Variants in AGBL4 observed in about 807,000 individuals in gnomAD.
AGBL4 encodes the protein AGBL carboxypeptidase 4.
In AGBL4, 58 loss-of-function variants were observed where a neutral mutation model predicts 66.4. The ratio of observed to expected loss-of-function variants is 0.87; its 90% CI spans 0.71 to 1.09. AGBL4 has a LOEUF of 1.09. AGBL4 is among the 50% of genes least tolerant of loss of function. The pLI is 0.00. For synonymous variants in AGBL4, 234 were observed against 222.9 expected (o/e 1.05, Z -0.44); for missense variants, 579 against 631.0 (o/e 0.92, Z 0.88).
chr1:48,696,786 A>C (rs890322987), intron 6 of AGBL4, among the ~76,000 whole-genome samples: 1 of 152,182 alleles, frequency 6.6e-6, no homozygotes, highest in African/African-American at 2.4e-5. Flanking sequence ...GCCTACAGAG[A>C]TAGCTTGGTC....
intron 2 of AGBL4, among the ~76,000 whole-genome samples, chr1:49,847,392 A>T (rs189665845): frequency 5.0e-4 from 76 of 152,292 alleles, no homozygotes; most frequent in Non-Finnish European, 6.3e-4. Context: ...TAAGCAACAC[A>T]AACAAAAATA....
intron 3 of AGBL4, among the ~76,000 whole-genome samples, chr1:49,260,711 C>A (rs1653057947): frequency 6.6e-6 from 1 of 152,048 alleles, no homozygotes; most frequent in Non-Finnish European, 1.5e-5. Context: ...GGATTCACAG[C>A]CGAATTCTAC....
At position 49,547,540 on chromosome 1, in the gene AGBL4, G is replaced by C. The variant is rs117391472; in HGVS notation, c.282+149773C>G. Reference sequence around the variant, plus strand: ...GAATTGCTTTTTCTAATTCTGTAAAGAATGATGGTGGTATTTGATGGGGAT... The same window carrying C: ...GAATTGCTTTTTCTAATTCTGTAAACAATGATGGTGGTATTTGATGGGGAT... On this transcript the variant is annotated intron_variant, in intron 3 of 13. Transcript: ENST00000371839. Among the ~76,000 whole-genome samples the C allele has an allele frequency of 1.6e-3, 238 of 152,238 alleles. 8 individuals carry two copies. The East Asian group carries it at 0.038, about 24-fold the overall frequency.
chr1:49,179,971 G>A (rs1043598296), intron 4 of AGBL4, among the ~76,000 whole-genome samples: 5 of 151,592 alleles, frequency 3.3e-5, no homozygotes, highest in African/African-American at 1.2e-4. Context: ...GCGCGATCTC[G>A]GCTCACTGCA....
intron 2 of AGBL4, among the ~76,000 whole-genome samples, chr1:49,835,074 G>A (rs139520746): frequency 8.1e-4 from 123 of 152,248 alleles, no homozygotes; most frequent in African/African-American, 2.6e-3. Context: ...GAGTTCTGTC[G>A]ATGTCTATTA....
intron 6 of AGBL4, among the ~76,000 whole-genome samples, chr1:48,793,757 A>G (rs1027480043): frequency 1.3e-5 from 2 of 152,154 alleles, no homozygotes; most frequent in East Asian, 1.9e-4. Flanking sequence ...ATATAATAAC[A>G]TTATTATCTC....
chr1:49,460,790 C>T lies in AGBL4; in HGVS notation c.283-214926G>A, dbSNP rs141385319. ...TTTTTAGCATTTCTTGTAGTGCTGTCTTGGGAGTGGTGAATACTCTCAGCA... is the reference window on the plus strand; with the variant it reads ...TTTTTAGCATTTCTTGTAGTGCTGTTTTGGGAGTGGTGAATACTCTCAGCA... On this transcript the variant is annotated intron_variant, in intron 3 of 13. Coordinates refer to ENST00000371839, the MANE Select transcript of AGBL4 (RefSeq NM_032785.4). Among the ~76,000 whole-genome samples the T allele has an allele frequency of 3.4e-4, 51 of 151,666 alleles. 2 individuals are homozygous for T. The East Asian group carries it at 9.6e-3, about 28-fold the overall frequency.
chr1:49,273,539 T>TA (rs1191230614), intron 3 of AGBL4, among the ~76,000 whole-genome samples: 10 of 150,542 alleles, frequency 6.6e-5, no homozygotes, highest in Non-Finnish European at 1.0e-4. Flanking sequence ...CAAAACTCAT[T>TA]AAAATTAAAT....
chr1:48,528,975 T>A (rs374241433), downstream of AGBL4, among the ~76,000 whole-genome samples: 14 of 152,080 alleles, frequency 9.2e-5, no homozygotes, highest in East Asian at 2.7e-3. Flanking sequence ...AACACTGTCT[T>A]CCCATTTGTT....
intron 1 of AGBL4, among the ~76,000 whole-genome samples, chr1:49,924,927 G>T (rs1652611095): frequency 1.3e-5 from 2 of 152,088 alleles, no homozygotes; most frequent in African/African-American, 4.8e-5. Context: ...GTACTCTGGG[G>T]TCCTAAATAA....
intron 6 of AGBL4, among the ~76,000 whole-genome samples, chr1:48,754,665 C>T (rs183323032): frequency 1.2e-3 from 176 of 152,258 alleles, no homozygotes; most frequent in African/African-American, 4.1e-3. Context: ...ATTACATATG[C>T]TTCCTTATTT....
At chr1:48,746,029 G>T (rs1373353167) in intron 6 of AGBL4, among the ~76,000 whole-genome samples, 2 of 152,102 alleles carry the variant, frequency 1.3e-5, no homozygotes, top group African/African-American at 4.8e-5. Context: ...GGTCTCACCT[G>T]GCACAGTGCT....
intron 3 of AGBL4, among the ~76,000 whole-genome samples, chr1:49,674,606 T>C (rs183305273): frequency 1.1e-4 from 16 of 146,768 alleles, no homozygotes; most frequent in African/African-American, 3.9e-4. Context: ...ACACATATGT[T>C]TAACCACACG....
At chr1:49,283,560 C>G (rs904800380) in intron 3 of AGBL4, among the ~76,000 whole-genome samples, 4 of 152,146 alleles carry the variant, frequency 2.6e-5, no homozygotes, top group African/African-American at 9.7e-5. Flanking sequence ...TTCAGACGAT[C>G]AAATTACTCT....
intron 6 of AGBL4, among the ~76,000 whole-genome samples, chr1:48,755,613 C>G (rs1652430128): frequency 6.6e-6 from 1 of 152,058 alleles, no homozygotes; most frequent in Non-Finnish European, 1.5e-5. Flanking sequence ...ACAAGGGTCT[C>G]TCATTCGCTT....
intron 3 of AGBL4, among the ~76,000 whole-genome samples, chr1:49,657,423 C>T (rs1205796333): frequency 1.4e-4 from 21 of 152,232 alleles, no homozygotes; most frequent in Non-Finnish European, 1.5e-5. Context: ...GTGAAAATGG[C>T]CATACTGCCC....
Position 49,515,157 on chromosome 1 carries a change from C to G in AGBL4, c.282+182156G>C, listed in dbSNP as rs564259725. Among the ~76,000 whole-genome samples the G allele has an allele frequency of 9.2e-4, 140 of 152,180 alleles. 2 individuals are homozygous for G. The South Asian group carries it at 0.029, about 31-fold the overall frequency. ...TACTCATCTGACAAAGGGCTAATAT[C>G]CAGAATCTACAATGAACTCAAAGAA... On this transcript the variant is annotated intron_variant, in intron 3 of 13. Coordinates refer to ENST00000371839, the MANE Select transcript of AGBL4 (RefSeq NM_032785.4).
intron 4 of AGBL4, among the ~76,000 whole-genome samples, chr1:49,089,331 A>G (rs1253044744): frequency 1.3e-5 from 2 of 151,958 alleles, no homozygotes; most frequent in Non-Finnish European, 2.9e-5. Flanking sequence ...GTATGTTGAA[A>G]GAAGAAATAA....
intron 1 of AGBL4, among the ~76,000 whole-genome samples, chr1:49,871,115 A>C (rs1420161392): frequency 6.6e-6 from 1 of 152,122 alleles, no homozygotes; most frequent in Non-Finnish European, 1.5e-5. Context: ...ATTTCTCTGT[A>C]AATCAAACAT....
Sources: allele counts gnomAD v4.1 joint callset (sites outside exome capture counted in the v4.1 genomes callset), GRCh38; gene constraint gnomAD v4.1.1; transcripts MANE v1.5; gene names NCBI Gene and HGNC (gene_info 2026-07-23, HGNC 2026-07-21).